Variants in HSP90B1 observed in about 807,000 individuals in gnomAD.
The protein encoded by HSP90B1 is heat shock protein 90 beta family member 1.
A neutral mutation model predicts 100.4 loss-of-function variants in HSP90B1; 27 were observed. That is an observed-to-expected ratio of 0.27 (90% CI 0.20 to 0.37). The LOEUF is 0.37. Among genes scored for constraint, HSP90B1 ranks in the 10% least tolerant of loss-of-function variants. HSP90B1 has a pLI of 1.00. For synonymous variants in HSP90B1, 304 were observed against 330.8 expected (o/e 0.92, Z 0.88); for missense variants, 678 against 960.5 (o/e 0.71, Z 3.89).
rs983044082 is a variant in HSP90B1 at position 103,942,734 on chromosome 12, G to A, written c.1582G>A (p.Val528Met). 6.2e-7 allele frequency: 1 copy of A among 1,613,830 alleles called. No individual in the cohort carries two copies. Among genetic ancestry groups the A allele is most frequent in the African/African-American group, 1.3e-5 (1 of 74,932 alleles). Residue 528 changes from valine (V) to methionine (M), a missense_variant, in exon 12 of 18, where the codon GTG (valine) becomes ATG (methionine). Physicochemically the swap from Val to Met is conservative, Grantham distance 21. Transcript: ENST00000299767. ...TGACATTACTAGCCTAGACCAGTAT[G>A]TGGAAAGAATGAAGGAAAAACAAGA... ...PTDITSLDQY[V>M]ERMKEKQDKI...
chr12:103,944,225 C>T (rs895361352), intron 14 of HSP90B1, among the ~76,000 whole-genome samples: 1 of 151,994 alleles, frequency 6.6e-6, no homozygotes, highest in Admixed American at 6.5e-5. Context: ...GACAACATTC[C>T]TCAAGTGAGT....
chr12:103,943,375 T>A lies in HSP90B1; in HGVS notation c.1890+56T>A. 1.3e-6 allele frequency: 2 copies of A among 1,538,418 alleles called. No homozygotes were observed. Among genetic ancestry groups the A allele is most frequent in the Non-Finnish European group, 1.8e-6 (2 of 1,117,476 alleles). The stretch of plus-strand genomic sequence containing the variant: ...TTAGTATCAGCATTTAAGAGAAAGT[T>A]ATTTTGTGAACAAATTAAGCTGCAG... On this transcript the variant is annotated intron_variant, in intron 13 of 17. Transcript: ENST00000299767. This position sits in a 1 kb window ranked among gnomAD's most constrained non-coding sequence, Gnocchi z 5.3.
At position 103,947,612 on chromosome 12, in the gene HSP90B1, GTTTT is replaced by G; in HGVS notation, c.2383-16_2383-13del. 2.5e-6 allele frequency: 4 copies of G among 1,569,210 alleles called. No homozygotes were observed. The highest frequency in any genetic ancestry group is 2.6e-6 in the Non-Finnish European group (3 of 1,151,882). ...TCTGCTAACTTTTAATACCTTCTGG[GTTTT>G]TTTTATTTATTTACAGGAATCTACA... On this transcript the variant is annotated splice_polypyrimidine_tract_variant and intron_variant, in intron 17 of 17. Coordinates refer to ENST00000299767, the MANE Select transcript of HSP90B1 (RefSeq NM_003299.3).
chr12:103,930,575 C>CGAAT lies in HSP90B1; in HGVS notation c.49+11_49+12insGAAT. The stretch of plus-strand genomic sequence containing the variant: ...TCCTGCTGACCTTCGGTGAGTGATT[C>CGAAT]TGGAGGAGCAGACGTCCCCCCTCCA... On this transcript the variant is annotated intron_variant, in intron 1 of 17. Transcript: ENST00000299767. The surrounding 1 kb of genome is among the most constrained non-coding windows in gnomAD (Gnocchi z 4.4). 6.2e-7 allele frequency: 1 copy of CGAAT among 1,607,148 alleles called. No individual in the cohort carries two copies.
At chr12:103,933,505 C>T (rs1869824476) in intron 4 of HSP90B1, among the ~76,000 whole-genome samples, 1 of 152,246 alleles carries the variant, frequency 6.6e-6, no homozygotes, top group African/African-American at 2.4e-5. Flanking sequence ...ATGGCCTTAG[C>T]CATTCTTAAA....
Position 103,947,842 on chromosome 12 carries a change from C to T in HSP90B1, c.*180C>T, listed in dbSNP as rs746157201. 7.7e-6 allele frequency: 5 copies of T among 649,456 alleles called. No individual in the cohort carries two copies. The allele number at this position is 649,456 out of a possible 1,614,324, so 40.2% of individuals were successfully genotyped here. ...TAGTTGAATTTTTTTTAACATTCCT[C>T]ATGAATGTAAATTTGTACTATTTAA... On this transcript the variant is annotated 3_prime_UTR_variant, in exon 18 of 18. Coordinates refer to ENST00000299767, the MANE Select transcript of HSP90B1 (RefSeq NM_003299.3).
chr12:103,941,931 C>G (rs1224883714), intron 11 of HSP90B1, 34 bp downstream of exon 11: 5 of 1,557,120 alleles, frequency 3.2e-6, no homozygotes, highest in Non-Finnish European at 4.4e-6. Context: ...CTCCACTTTG[C>G]TGTTTGATTG....
At position 103,947,314 on chromosome 12, in the gene HSP90B1, G is replaced by GAAGA; in HGVS notation, c.2268_2271dup (p.Glu758ArgfsTer8). On this transcript the variant is annotated frameshift_variant, in exon 17 of 18. Coordinates refer to ENST00000299767, the MANE Select transcript of HSP90B1 (RefSeq NM_003299.3). LOFTEE classifies it high-confidence loss of function. ...GGCCCATAAATGTTGTGTTTAGGTG[G>GAAGA]AAGAAGAGCCCGAAGAAGAACCTGA... 6.3e-7 allele frequency: 1 copy of GAAGA among 1,595,372 alleles called. No individual in the cohort carries two copies. The highest frequency in any genetic ancestry group is 8.5e-7 in the Non-Finnish European group (1 of 1,173,816).
At chr12:103,942,328 G>T (rs192286121) in intron 11 of HSP90B1, among the ~76,000 whole-genome samples, 199 bp from the exon 12 acceptor site, 1 of 152,164 alleles carries the variant, frequency 6.6e-6, no homozygotes, top group Non-Finnish European at 1.5e-5. Flanking sequence ...AAACATTAAG[G>T]CAATCTTGTG....
chr12:103,931,675 A>T, intron 2 of HSP90B1, 52 bp downstream of exon 2: 1 of 1,277,136 alleles, frequency 7.8e-7, no homozygotes, highest in Non-Finnish European at 1.1e-6. Context: ...GAACCTTGTG[A>T]GTTACGGTCA....
At chr12:103,938,258 C>G in intron 6 of HSP90B1, 82 bp from the exon 7 acceptor site, 1 of 1,269,254 alleles carries the variant, frequency 7.9e-7, no homozygotes, top group Non-Finnish European at 1.1e-6. Flanking sequence ...ATTTTTTGAC[C>G]TGTAATGTTA....
At position 103,938,576 on chromosome 12, in the gene HSP90B1, A is replaced by T. The variant is rs1869987687; in HGVS notation, c.975+117A>T. Reference sequence around the variant, plus strand: ...CAGCTTCAGTTCAGGTGCTAAGTCCATGGAGCCAGCTTTTAAAATAAGGCC... The same window carrying T: ...CAGCTTCAGTTCAGGTGCTAAGTCCTTGGAGCCAGCTTTTAAAATAAGGCC... On this transcript the variant is annotated intron_variant, in intron 7 of 17. Transcript: ENST00000299767. 2.7e-6 allele frequency: 3 copies of T among 1,126,388 alleles called. No homozygotes were observed. In the South Asian group the frequency reaches 5.0e-5, roughly 19 times the overall value. The allele number at this position is 1,126,388 out of a possible 1,614,324, so 69.8% of individuals were successfully genotyped here.
At chr12:103,944,022 G>T in intron 14 of HSP90B1, 148 bp downstream of exon 14, 2 of 634,070 alleles carry the variant, frequency 3.2e-6, no homozygotes, top group South Asian at 3.2e-5. Context: ...TTTACGAAGG[G>T]ATTTCTCCTA....
intron 5 of HSP90B1, among the ~76,000 whole-genome samples, chr12:103,935,790 TGATGTCCCAAGA>T (rs1211397977): frequency 6.6e-6 from 1 of 152,152 alleles, no homozygotes; most frequent in African/African-American, 2.4e-5. Context: ...AGATAGAAAG[TGATGTCCCAAGA>T]GATGTTAATG....
Position 103,946,688 on chromosome 12 carries a change from C to T in HSP90B1, c.2098C>T (p.Arg700Ter). Residue 700 changes from arginine to a stop codon, truncating the protein, a stop_gained, in exon 15 of 18, where the codon CGA becomes TGA. Coordinates refer to ENST00000299767, the MANE Select transcript of HSP90B1 (RefSeq NM_003299.3). LOFTEE classifies it high-confidence loss of function. ...CCCGCTGATCAGAGACATGCTTCGA[C>T]GAATTAAGGTAGTATTAAAGCAGTC... ...RHPLIRDMLR[R>*]IKEDEDDKTV... is the part of the protein sequence containing the mutation. 1 of 1,613,690 alleles carries T rather than the reference C, an allele frequency of 6.2e-7. No homozygotes were observed. Among genetic ancestry groups the T allele is most frequent in the Non-Finnish European group, 8.5e-7 (1 of 1,179,676 alleles).
In HSP90B1 at chr12:103,932,886, T is replaced by A; in HGVS notation, c.355T>A (p.Ser119Thr). ...TGCTTTAGATAAGATAAGGCTAATATCACTGACTGATGAAAATGCTCTTTC... is the reference window on the plus strand; with the variant it reads ...TGCTTTAGATAAGATAAGGCTAATAACACTGACTGATGAAAATGCTCTTTC... ...SDALDKIRLI[S>T]LTDENALSGN... Residue 119 changes from serine to threonine, a missense_variant, in exon 4 of 18, where the codon TCA becomes ACA. Around this residue, in one of 8 missense-constraint regions of HSP90B1, gnomAD observed 238 missense variants for 346.7 expected, o/e 0.69. Transcript: ENST00000299767. 6.2e-7 allele frequency: 1 copy of A among 1,607,556 alleles called. No homozygotes were observed. The highest frequency in any genetic ancestry group is 8.5e-7 in the Non-Finnish European group (1 of 1,174,248).
At chr12:103,942,930 G>A in intron 12 of HSP90B1, 134 bp downstream of exon 12, 1 of 1,422,830 alleles carries the variant, frequency 7.0e-7, no homozygotes, top group Non-Finnish European at 9.6e-7. Flanking sequence ...GTCACTGACA[G>A]GAAGGTCATT....
chr12:103,932,534 T>G, intron 3 of HSP90B1, 116 bp downstream of exon 3: 1 of 840,418 alleles, frequency 1.2e-6, no homozygotes, highest in South Asian at 1.8e-5. Flanking sequence ...GTAACAACCT[T>G]TAAATACCTA....
At chr12:103,938,849 A>G (rs1869995564) in intron 7 of HSP90B1, 1 of 152,712 alleles carries the variant, frequency 6.5e-6, no homozygotes, top group Non-Finnish European at 1.5e-5. Flanking sequence ...GGTGGTTGAG[A>G]AATATTTTTG....
Sources: allele counts gnomAD v4.1 joint callset (sites outside exome capture counted in the v4.1 genomes callset), GRCh38; gene constraint gnomAD v4.1.1; regional missense constraint gnomAD v4.1.1; non-coding constraint Gnocchi (gnomAD v3.1); transcripts MANE v1.5; gene names NCBI Gene and HGNC (gene_info 2026-07-23, HGNC 2026-07-21).